GPC6: variants seen among roughly 807,000 people sequenced by gnomAD.
The protein encoded by GPC6 is glypican 6, also known as glypican-6.
GPC6 carries 14 observed loss-of-function variants against 55.2 expected under a neutral mutation model. The ratio of observed to expected loss-of-function variants is 0.25; its 90% confidence interval spans 0.17 to 0.40. The LOEUF (loss-of-function observed/expected upper bound fraction) is 0.40. GPC6 is among the 10% of genes least tolerant of loss of function. The probability of loss-of-function intolerance (pLI) is 1.00; values close to 1 mark genes in which losing one functional copy is unlikely to be tolerated. For missense variants in GPC6, 641 were observed against 708.5 expected (o/e 0.90, Z 1.08); for synonymous variants, 278 against 259.6 (o/e 1.07, Z -0.68).
chr13:93,220,617 G>A, the GPC6 span, among the ~76,000 whole-genome samples: 140 of 152,196 alleles, frequency 9.2e-4, no homozygotes, highest in African/African-American at 3.2e-3. Context: ...TATTAATATT[G>A]TGAGCCTTCA....
intron 1 of GPC6, among the ~76,000 whole-genome samples, chr13:93,335,180 A>G (rs1472135302): frequency 1.3e-5 from 2 of 152,206 alleles, no homozygotes; most frequent in Non-Finnish European, 2.9e-5. Flanking sequence ...TCTGTATGCA[A>G]TTATCCTTTC....
chr13:93,528,466 G>C (rs1594238757), intron 1 of GPC6, among the ~76,000 whole-genome samples: 1 of 152,158 alleles, frequency 6.6e-6, no homozygotes, highest in African/African-American at 2.4e-5. Flanking sequence ...AAGGTCACTG[G>C]GAGGTGGTGA....
At chr13:94,256,425 G>T (rs1566600651) in intron 4 of GPC6, among the ~76,000 whole-genome samples, 1 of 152,152 alleles carries the variant, frequency 6.6e-6, no homozygotes, top group African/African-American at 2.4e-5. Context: ...TGAGAACAAT[G>T]ATTTAGAAAG....
intron 4 of GPC6, among the ~76,000 whole-genome samples, chr13:94,193,289 G>A (rs921918867): frequency 1.1e-4 from 17 of 152,214 alleles, no homozygotes; most frequent in African/African-American, 4.1e-4. Flanking sequence ...CACCATAGGA[G>A]CGGTCCAAAG....
At chr13:93,845,546 C>T (rs943957363) in intron 3 of GPC6, among the ~76,000 whole-genome samples, 25 of 141,052 alleles carry the variant, frequency 1.8e-4, no homozygotes, top group African/African-American at 4.9e-4. Context: ...ATGTTTATTG[C>T]GGCATTATTC....
intron 3 of GPC6, among the ~76,000 whole-genome samples, chr13:93,951,166 C>G (rs1261659896): frequency 6.6e-6 from 1 of 152,054 alleles, no homozygotes; most frequent in Non-Finnish European, 1.5e-5. Flanking sequence ...TCATGCCTCC[C>G]CACTCCTAAA....
chr13:93,224,268 C>T (rs140797407), upstream of GPC6, among the ~76,000 whole-genome samples: 24 of 149,222 alleles, frequency 1.6e-4, no homozygotes, highest in African/African-American at 4.9e-4. Flanking sequence ...GATCTCGCCT[C>T]ACCGCAACCT....
At chr13:93,507,685 T>G (rs923503638) in intron 1 of GPC6, among the ~76,000 whole-genome samples, 32 of 152,142 alleles carry the variant, frequency 2.1e-4, no homozygotes, top group Admixed American at 2.1e-3. Context: ...CATGAGTCAG[T>G]AGGGTATAAA....
intron 6 of GPC6, among the ~76,000 whole-genome samples, chr13:94,340,693 A>G (rs1877988984): frequency 6.6e-6 from 1 of 152,256 alleles, no homozygotes; most frequent in African/African-American, 2.4e-5. Flanking sequence ...GAACCACTGT[A>G]TAAGATTCTT....
chr13:94,055,574 A>C (rs571436023), intron 4 of GPC6, among the ~76,000 whole-genome samples: 1 of 152,330 alleles, frequency 6.6e-6, no homozygotes, highest in African/African-American at 2.4e-5. Context: ...GAAATGTATA[A>C]TTTAACTGAA....
At chr13:93,428,974 T>A (rs920117987) in intron 1 of GPC6, among the ~76,000 whole-genome samples, 1 of 152,130 alleles carries the variant, frequency 6.6e-6, no homozygotes, top group Non-Finnish European at 1.5e-5. Flanking sequence ...GTCTTTATGT[T>A]ATAGCATCCC....
intron 4 of GPC6, among the ~76,000 whole-genome samples, chr13:94,041,460 C>G (rs554921661): frequency 5.3e-5 from 8 of 151,784 alleles, no homozygotes; most frequent in Non-Finnish European, 1.2e-4. Context: ...TTAAGCTTGA[C>G]TTTTTATTGG....
At chr13:94,155,081 A>G (rs777589455) in intron 4 of GPC6, among the ~76,000 whole-genome samples, 5 of 152,024 alleles carry the variant, frequency 3.3e-5, no homozygotes, top group Admixed American at 6.6e-5. Flanking sequence ...TATGCCTTCT[A>G]ACTACCAAGA....
intron 2 of GPC6, among the ~76,000 whole-genome samples, chr13:93,632,590 A>AATAAATATATGTGTATAT (rs1879497670): frequency 1.0e-5 from 1 of 99,300 alleles, no homozygotes; most frequent in Non-Finnish European, 2.5e-5. Flanking sequence ...CCATGTCTCA[A>AATAAATATATGTGTATAT]ATATATGTAT....
chr13:93,777,464 G>GT (rs1210557425), intron 2 of GPC6, among the ~76,000 whole-genome samples: 2 of 152,048 alleles, frequency 1.3e-5, no homozygotes, highest in Non-Finnish European at 2.9e-5. Context: ...TGCCAATGAG[G>GT]TTTTTATTGT....
At chr13:93,775,745 T>G (rs1197217351) in intron 2 of GPC6, among the ~76,000 whole-genome samples, 1 of 152,140 alleles carries the variant, frequency 6.6e-6, no homozygotes. Context: ...GTTGGACTAG[T>G]CTTACTTTGC....
At chr13:93,997,907 G>C (rs1594653588) in intron 3 of GPC6, among the ~76,000 whole-genome samples, 1 of 152,182 alleles carries the variant, frequency 6.6e-6, no homozygotes, top group East Asian at 1.9e-4. Context: ...TGGTTACAAT[G>C]ATGAGTCCTT....
intron 1 of GPC6, among the ~76,000 whole-genome samples, chr13:93,489,256 G>A (rs1879857050): frequency 6.6e-6 from 1 of 151,420 alleles, no homozygotes; most frequent in African/African-American, 2.4e-5. Context: ...GCTTTTGTCA[G>A]GTTTGTCAAA....
intron 3 of GPC6, among the ~76,000 whole-genome samples, chr13:93,959,805 A>C (rs991236904): frequency 1.3e-5 from 2 of 152,212 alleles, no homozygotes; most frequent in Non-Finnish European, 2.9e-5. Context: ...CCTATGATCC[A>C]GTCTTATCTT....
Sources: gnomAD v4.1 joint callset for allele counts (sites outside exome capture counted in the v4.1 genomes callset) on GRCh38, gnomAD v4.1.1 for gene constraint, MANE v1.5 for transcripts, NCBI Gene and HGNC (gene_info 2026-07-23, HGNC 2026-07-21) for gene names.